ATP2A3: variants seen among roughly 807,000 people sequenced by gnomAD.
The protein encoded by ATP2A3 is sarcoplasmic/endoplasmic reticulum calcium ATPase 3.
A neutral mutation model predicts 106.8 loss-of-function variants in ATP2A3; 61 were observed. The observed-to-expected ratio is 0.57, with a 90% confidence interval of 0.46 to 0.71. The LOEUF (loss-of-function observed/expected upper bound fraction) is 0.71, where lower values mean the gene tolerates loss of function less well. Ranked by LOEUF, ATP2A3 falls within the 30% of genes least tolerant of loss-of-function variation. The pLI is 0.00. For synonymous variants in ATP2A3, 611 were observed against 609.3 expected (o/e 1.00, Z -0.04); for missense variants, 1,201 against 1,423.5 (o/e 0.84, Z 2.52).
Position 3,953,541 on chromosome 17 carries a change from G to T in ATP2A3, c.137-112C>A. ...CCATTCCCTCCCTGCACTCAGAAGA[G>T]GGAGAACCCAGGTCGCTGAGAGGCT... On this transcript the variant is annotated intron_variant, in intron 2 of 20. Coordinates refer to ENST00000397041, the MANE Select transcript of ATP2A3 (RefSeq NM_005173.4). The surrounding 1 kb of genome is among the most constrained non-coding windows in gnomAD (Gnocchi z 5.1). 6.7e-7 allele frequency: 1 copy of T among 1,499,824 alleles called. No homozygotes were observed. Among genetic ancestry groups the T allele is most frequent in the Non-Finnish European group, 9.2e-7 (1 of 1,088,766 alleles). The allele number at this position is 1,499,824 out of a possible 1,614,324, so 92.9% of individuals were successfully genotyped here.
At position 3,964,365 on chromosome 17, in the gene ATP2A3, G is replaced by C. The variant is rs944098241; in HGVS notation, c.-74C>G. The C allele has an allele frequency of 1.5e-4, 133 of 873,672 alleles. No homozygotes were observed. The highest frequency in any genetic ancestry group is 1.8e-4 in the Non-Finnish European group (128 of 702,638). 54.1% of individuals were successfully genotyped at this position (873,672 alleles called of 1,614,324 possible). ...CCGCCGGGGGGCTACAAAGCGGGGC[G>C]CGGGGGACTCGGGCCCGGGCGGGCG... On this transcript the variant is annotated 5_prime_UTR_variant, in exon 1 of 21. Transcript: ENST00000397041.
At chr17:3,949,127 CAAAAA>C (rs869265323) in intron 7 of ATP2A3, among the ~76,000 whole-genome samples, 1 of 60,012 alleles carries the variant, frequency 1.7e-5, no homozygotes, top group Non-Finnish European at 3.1e-5. Context: ...GACTCTGTCT[CAAAAA>C]AAAAAAAAAA....
At chr17:3,932,086 A>C (rs539442385) in intron 17 of ATP2A3, among the ~76,000 whole-genome samples, 1 of 152,092 alleles carries the variant, frequency 6.6e-6, no homozygotes, top group East Asian at 1.9e-4. Flanking sequence ...TTTCTCCAAA[A>C]CTCAAGCTCC....
chr17:3,964,154 G>A lies in ATP2A3; in HGVS notation c.118+20C>T, dbSNP rs2055303297. ...GCGCGCGGCCCCCGCTCCCCGGCCC[G>A]GCCCGGCCCGCGCGCTCACCGTTGG... On this transcript the variant is annotated intron_variant, in intron 1 of 20. Transcript: ENST00000397041. 1.8e-6 allele frequency: 2 copies of A among 1,090,132 alleles called. No homozygotes were observed. Among genetic ancestry groups the A allele is most frequent in the East Asian group, 5.3e-5 (1 of 18,748 alleles). 67.5% of individuals were successfully genotyped at this position (1,090,132 alleles called of 1,614,324 possible). A position where few individuals can be genotyped will look rare whatever the true frequency, so the allele number is the denominator to read the frequency against.
rs2052705199 is a variant in ATP2A3, at chr17:3,926,317, G to T, written c.2981-876C>A. Among the ~76,000 whole-genome samples the T allele has an allele frequency of 1.3e-5, 2 of 152,212 alleles. No individual in the cohort carries two copies. ...TTAGGAGGCCCCAGGGACTGCAGTA[G>T]CGCTGGGCAGGGCTGTCTGGGCTTC... On this transcript the variant is annotated intron_variant, in intron 20 of 20. Coordinates refer to ENST00000397041, the MANE Select transcript of ATP2A3 (RefSeq NM_005173.4). The surrounding 1 kb of genome is among the most constrained non-coding windows in gnomAD (Gnocchi z 4.6).
chr17:3,947,573 C>T lies in ATP2A3; in HGVS notation c.913G>A (p.Ala305Thr). 6.2e-7 allele frequency: 1 copy of T among 1,612,848 alleles called. No homozygotes were observed. Among genetic ancestry groups the T allele is most frequent in the Non-Finnish European group, 8.5e-7 (1 of 1,179,916 alleles). The change falls in exon 8 of 21, where the codon GCG becomes ACG. Residue 305 changes from alanine to threonine, a missense_variant. Physicochemically the swap from Ala to Thr is moderately conservative, Grantham distance 58 (BLOSUM62 0). Around this residue, in one of 2 missense-constraint regions of ATP2A3, gnomAD observed 935 missense variants for 1,176.7 expected, o/e 0.79. Coordinates refer to ENST00000397041, the MANE Select transcript of ATP2A3 (RefSeq NM_005173.4). This position sits in a 1 kb window ranked among gnomAD's most constrained non-coding sequence, Gnocchi z 7.7. ...GCCGGGAGGCCCTCGGGGATGGCCG[C>T]CACCGCCAGGGCCACGGCGATCTTG... Reference protein sequence around the residue: ...YFKIAVALAVAAIPEGLPAVI... With the variant: ...YFKIAVALAVTAIPEGLPAVI...
Position 3,947,814 on chromosome 17 carries a change from C to T in ATP2A3, c.672G>A (p.Val224=), listed in dbSNP as rs778289260. 9 of 1,599,462 alleles carry T rather than the reference C, an allele frequency of 5.6e-6. No homozygotes were observed. Among genetic ancestry groups the T allele is most frequent in the Non-Finnish European group, 6.8e-6 (8 of 1,179,882 alleles). The change falls in exon 8 of 21, where the codon GTG becomes GTA. Residue 224 remains valine (V), a synonymous_variant. Coordinates refer to ENST00000397041, the MANE Select transcript of ATP2A3 (RefSeq NM_005173.4). The surrounding 1 kb of genome is among the most constrained non-coding windows in gnomAD (Gnocchi z 7.7). The stretch of plus-strand genomic sequence containing the variant: ...CCAGCTCCGTGTGCAGGCCGGTGGC[C>T]ACGGCCACACCCACCGCTTTGCCCG... ...ITSGKAVGVA[V]ATGLHTELGK...
At chr17:3,940,046 T>TG (rs2053670627) in intron 14 of ATP2A3, among the ~76,000 whole-genome samples, 1 of 104,084 alleles carries the variant, frequency 9.6e-6, no homozygotes, top group Non-Finnish European at 1.9e-5. Flanking sequence ...TTTTTTTGTT[T>TG]TTTGTTTTTT....
intron 17 of ATP2A3, among the ~76,000 whole-genome samples, chr17:3,931,126 C>G (rs554751227): frequency 6.7e-6 from 1 of 148,790 alleles, no homozygotes; most frequent in African/African-American, 2.5e-5. Context: ...GGTGACAGAG[C>G]AAGACTCTGT....
At chr17:3,937,229 G>A in intron 15 of ATP2A3, 187 bp downstream of exon 15, 1 of 703,358 alleles carries the variant, frequency 1.4e-6, no homozygotes, top group South Asian at 1.7e-5. Flanking sequence ...TAGGTCACCA[G>A]GGCCTCTGGA....
At chr17:3,939,919 CAT>C (rs1186637958) in intron 14 of ATP2A3, among the ~76,000 whole-genome samples, 1 of 147,920 alleles carries the variant, frequency 6.8e-6, no homozygotes, top group East Asian at 2.0e-4. Context: ...AGATAAAACT[CAT>C]ATACGGTGAA....
Position 3,930,442 on chromosome 17 carries a change from C to A in ATP2A3, c.2611-8G>T. ...GCACTTCAGGAAGTTCCTCTGGGGG[C>A]ACCGTGGCAGGTCAGAGAGAGCGGC... On this transcript the variant is annotated splice_region_variant and splice_polypyrimidine_tract_variant and intron_variant, in intron 17 of 20. Coordinates refer to ENST00000397041, the MANE Select transcript of ATP2A3 (RefSeq NM_005173.4). The surrounding 1 kb of genome is among the most constrained non-coding windows in gnomAD (Gnocchi z 5.4). The A allele has an allele frequency of 6.2e-7, 1 of 1,613,732 alleles. No individual in the cohort carries two copies. Among genetic ancestry groups the A allele is most frequent in the Non-Finnish European group, 8.5e-7 (1 of 1,179,996 alleles).
intron 20 of ATP2A3, chr17:3,927,854 T>A: frequency 6.5e-7 from 1 of 1,549,016 alleles, no homozygotes; most frequent in East Asian, 2.4e-5. Flanking sequence ...CTGCCAGAGG[T>A]GGCCCCCAAC....
In ATP2A3 at chr17:3,928,097, C is replaced by A. The variant is rs1310008878; in HGVS notation, c.2980+566G>T. On this transcript the variant is annotated intron_variant, in intron 20 of 20. Coordinates refer to ENST00000397041, the MANE Select transcript of ATP2A3 (RefSeq NM_005173.4). The surrounding 1 kb of genome is among the most constrained non-coding windows in gnomAD (Gnocchi z 6.1). ...CACCTGGCAGAGGCAGGTGGATGGA[C>A]CCCATGTCCCAGCCCACTTCTCTCC... 1.2e-6 allele frequency: 2 copies of A among 1,608,114 alleles called. No homozygotes were observed. The highest frequency in any genetic ancestry group is 3.3e-5 in the Admixed American group (2 of 60,006).
At position 3,950,738 on chromosome 17, in the gene ATP2A3, C is replaced by G. The variant is rs528845663; in HGVS notation, c.499G>C (p.Glu167Gln). 2.5e-6 allele frequency: 4 copies of G among 1,613,820 alleles called. No individual in the cohort carries two copies. In the South Asian group the frequency reaches 3.3e-5, roughly 13 times the overall value. ...ACTCGCAGCGTGGTGGACTTGATCTCGATGAGGCGGAGGTCAGCAGGCACT... is the reference window on the plus strand; with the variant it reads ...ACTCGCAGCGTGGTGGACTTGATCTGGATGAGGCGGAGGTCAGCAGGCACT... Reference protein sequence around the residue: ...DKVPADLRLIEIKSTTLRVDQ... With the variant: ...DKVPADLRLIQIKSTTLRVDQ... Residue 167 changes from glutamate to glutamine, a missense_variant, in exon 6 of 21, where the codon GAG becomes CAG. Glu to Gln is a conservative substitution (Grantham distance 29). Coordinates refer to ENST00000397041, the MANE Select transcript of ATP2A3 (RefSeq NM_005173.4).
chr17:3,928,900 C>A lies in ATP2A3; in HGVS notation c.2863-120G>T. The A allele has an allele frequency of 1.4e-6, 1 of 718,894 alleles. No homozygotes were observed. The highest frequency in any genetic ancestry group is 1.7e-5 in the South Asian group (1 of 58,936). The allele number at this position is 718,894 out of a possible 1,614,324, so 44.5% of individuals were successfully genotyped here. ...ACTCTTCATGAGCGCTCCTAAGAAC[C>A]CCCTGGATGCACCCCCGATCTTTGT... is the stretch of plus-strand genomic sequence containing the variant. On this transcript the variant is annotated intron_variant, in intron 19 of 20. Coordinates refer to ENST00000397041, the MANE Select transcript of ATP2A3 (RefSeq NM_005173.4). The surrounding 1 kb of genome is among the most constrained non-coding windows in gnomAD (Gnocchi z 6.1).
In ATP2A3 at chr17:3,936,796, A is replaced by C; in HGVS notation, c.2322-327T>G. ...ATGCCCAAGAATCAGACATGTGCAA[A>C]AACCTAGCACATGCCACACCATCCG... On this transcript the variant is annotated intron_variant, in intron 15 of 20. Transcript: ENST00000397041. The surrounding 1 kb of genome is among the most constrained non-coding windows in gnomAD (Gnocchi z 5.4). The C allele has an allele frequency of 2.4e-6, 1 of 412,558 alleles. No homozygotes were observed. 25.6% of individuals were successfully genotyped at this position (412,558 alleles called of 1,614,324 possible).
rs373926137 is a variant in ATP2A3, at chr17:3,954,379, C to A, written c.119-669G>T. On this transcript the variant is annotated intron_variant, in intron 1 of 20. Transcript: ENST00000397041. ...TGCAGTCCCCCCCAGGCCCTGCACT[C>A]CATCGAGCTCAGTGAAGACCCCCCA... 4.6e-4 allele frequency among the ~76,000 whole-genome samples: 70 copies of A among 151,756 alleles called. 1 individual carries two copies. The East Asian group carries it at 0.01, about 22-fold the overall frequency.
rs903417344 is a variant in ATP2A3 at position 3,929,513 on chromosome 17, T to C, written c.2745-68A>G. 3 of 1,337,972 alleles carry C rather than the reference T, an allele frequency of 2.2e-6. No individual in the cohort carries two copies. The highest frequency in any genetic ancestry group is 1.3e-5 in the South Asian group (1 of 79,428). 82.9% of individuals were successfully genotyped at this position (1,337,972 alleles called of 1,614,324 possible). ...AGGCCCTGCCAGGCACCCACCCCCA[T>C]GGGAGGAGCCTCACCACTTCTCTAG... On this transcript the variant is annotated intron_variant, in intron 18 of 20. Transcript: ENST00000397041. The surrounding 1 kb of genome is among the most constrained non-coding windows in gnomAD (Gnocchi z 4.3).
Sources: gnomAD v4.1 joint callset for allele counts (sites outside exome capture counted in the v4.1 genomes callset) on GRCh38, gnomAD v4.1.1 for gene constraint, gnomAD v4.1.1 regional missense constraint, Gnocchi (gnomAD v3.1) non-coding constraint, MANE v1.5 for transcripts, NCBI Gene and HGNC (gene_info 2026-07-23, HGNC 2026-07-21) for gene names.